RYR1: variants seen among roughly 807,000 people sequenced by gnomAD.
RYR1 encodes central core disease of muscle.
Under a neutral mutation model 583.5 loss-of-function variants are expected in RYR1, and 342 were observed. That is an observed-to-expected ratio of 0.59 (90% confidence interval 0.54 to 0.64). The LOEUF (loss-of-function observed/expected upper bound fraction) is 0.64. Ranked by LOEUF, RYR1 falls within the 30% of genes least tolerant of loss-of-function variation. The pLI is 0.00. For synonymous variants in RYR1, 2,791 were observed against 2,822.5 expected, an observed-to-expected ratio of 0.99 and a Z score of 0.35; for missense variants, 6,032 against 6,917.2, an observed-to-expected ratio of 0.87 and a Z score of 4.54.
At chr19:38,566,843 G>A (rs1238329175) in intron 91 of RYR1, 68 bp from the exon 92 acceptor site, 9 of 1,557,604 alleles carry the variant, frequency 5.8e-6, no homozygotes, top group Admixed American at 1.9e-5. Flanking sequence ...GGAGATGAGA[G>A]GAGCAGGCAG....
intron 28 of RYR1, among the ~76,000 whole-genome samples, chr19:38,474,555 G>A (rs1175311554): frequency 7.5e-6 from 1 of 133,458 alleles, no homozygotes; most frequent in African/African-American, 2.8e-5. Context: ...GAGCTACCAC[G>A]CCCGGCTCCT....
At chr19:38,438,313 A>G (rs528676614) in intron 1 of RYR1, among the ~76,000 whole-genome samples, 2 of 151,962 alleles carry the variant, frequency 1.3e-5, no homozygotes, top group African/African-American at 4.8e-5. Context: ...TATCACTGAC[A>G]TTAACATTAC....
chr19:38,586,988 G>A (rs1293627449), intron 105 of RYR1, among the ~76,000 whole-genome samples: 2 of 151,996 alleles, frequency 1.3e-5, no homozygotes, highest in Non-Finnish European at 2.9e-5. Context: ...ATGGGTTTGG[G>A]CTGGGCGTCC....
At chr19:38,462,106 C>A (rs150410459) in intron 20 of RYR1, among the ~76,000 whole-genome samples, 1 of 152,060 alleles carries the variant, frequency 6.6e-6, no homozygotes, top group Non-Finnish European at 1.5e-5. Flanking sequence ...AAGCATGTCC[C>A]TATAGGAGGG....
At chr19:38,516,722 T>A (rs1300385332) in intron 65 of RYR1, among the ~76,000 whole-genome samples, 1 of 152,160 alleles carries the variant, frequency 6.6e-6, no homozygotes, top group Admixed American at 6.5e-5. Context: ...GGTTCATTCA[T>A]TCATTCAGCA....
chr19:38,499,074 G>A lies in RYR1; in HGVS notation c.6892-34G>A, dbSNP rs1969976053. ...GAGCCCCAGGAGGAAGGTGGCATGGGTCTGGTCTCTGACTGAGCCCCTTCT... is the reference window on the plus strand; with the variant it reads ...GAGCCCCAGGAGGAAGGTGGCATGGATCTGGTCTCTGACTGAGCCCCTTCT... On this transcript the variant is annotated intron_variant, in intron 42 of 105. Coordinates refer to ENST00000359596, the MANE Select transcript of RYR1 (RefSeq NM_000540.3). The surrounding 1 kb of genome is among the most constrained non-coding windows in gnomAD (Gnocchi z 7.3). The A allele has an allele frequency of 6.2e-7, 1 of 1,612,436 alleles. No homozygotes were observed. The highest frequency in any genetic ancestry group is 1.3e-5 in the African/African-American group (1 of 75,034).
chr19:38,468,201 G>T (rs1186417800), intron 25 of RYR1, among the ~76,000 whole-genome samples: 2 of 143,030 alleles, frequency 1.4e-5, no homozygotes, highest in East Asian at 4.1e-4. Flanking sequence ...TGCACATATA[G>T]TCCCATCATC....
chr19:38,465,775 CAA>C (rs899973407), intron 23 of RYR1, among the ~76,000 whole-genome samples: 15 of 151,528 alleles, frequency 9.9e-5, no homozygotes, highest in African/African-American at 1.7e-4. Context: ...AAAAAAAAAA[CAA>C]AGAGAGAGAA....
intron 84 of RYR1, among the ~76,000 whole-genome samples, chr19:38,540,139 C>A: frequency 6.6e-6 from 1 of 152,026 alleles, no homozygotes; most frequent in East Asian, 1.9e-4. Flanking sequence ...CTTTCAGGGG[C>A]TGTTAAAACC....
At chr19:38,465,329 G>A (rs1458441271) in intron 23 of RYR1, among the ~76,000 whole-genome samples, 1 of 151,984 alleles carries the variant, frequency 6.6e-6, no homozygotes, top group Non-Finnish European at 1.5e-5. Context: ...GCAGGACATG[G>A]TGGTGGGACA....
In RYR1 at chr19:38,473,650, G is replaced by C. The variant is rs527732736; in HGVS notation, c.4039G>C (p.Gly1347Arg). 3 of 1,556,178 alleles carry C rather than the reference G, an allele frequency of 1.9e-6. No homozygotes were observed. The highest frequency in any genetic ancestry group is 2.4e-5 in the East Asian group (1 of 41,672). The change falls in exon 28 of 106, where the codon GGC (glycine) becomes CGC (arginine). Residue 1347 changes from glycine to arginine, a missense_variant. Physicochemically the swap from Gly to Arg is moderately radical, Grantham distance 125 (BLOSUM62 -2). Around this residue, in one of 11 missense-constraint regions of RYR1, gnomAD observed 2,627 missense variants for 2,961.3 expected, o/e 0.89. Transcript: ENST00000359596. Reference sequence around the variant, plus strand: ...TGGGGGCTGGAGCGAGGCAGAGAACGGCAAAGAAGGGACTGCGAAGGAGGG... The same window carrying C: ...TGGGGGCTGGAGCGAGGCAGAGAACCGCAAAGAAGGGACTGCGAAGGAGGG... Reference protein sequence around the residue: ...SAGGWSEAENGKEGTAKEGAP... With the variant: ...SAGGWSEAENRKEGTAKEGAP...
At chr19:38,449,294 T>C (rs1966955525) in intron 11 of RYR1, among the ~76,000 whole-genome samples, 1 of 151,760 alleles carries the variant, frequency 6.6e-6, no homozygotes, top group African/African-American at 2.4e-5. Flanking sequence ...ACCCTGTCTC[T>C]ACTAAAAATA....
intron 27 of RYR1, among the ~76,000 whole-genome samples, chr19:38,471,770 C>T (rs1395987689): frequency 2.0e-5 from 3 of 151,628 alleles, no homozygotes; most frequent in Admixed American, 6.6e-5. Context: ...GGCATGGTGC[C>T]GGGCGCCTGT....
At chr19:38,467,923 T>C (rs919070298) in intron 25 of RYR1, 111 bp downstream of exon 25, 2 of 932,908 alleles carry the variant, frequency 2.1e-6, no homozygotes, top group Non-Finnish European at 3.3e-6. Context: ...TTCATGCATC[T>C]ACTGTACCAC....
At position 38,528,299 on chromosome 19, in the gene RYR1, T is replaced by C; in HGVS notation, c.10825-7T>C. On this transcript the variant is annotated splice_region_variant and splice_polypyrimidine_tract_variant and intron_variant, in intron 73 of 105. Coordinates refer to ENST00000359596, the MANE Select transcript of RYR1 (RefSeq NM_000540.3). ...GGGATGTGACTGTCCTGCTATCCCC[T>C]CCCCAGACCGAGCACCCTTACAAGT... The C allele has an allele frequency of 6.2e-7, 1 of 1,613,276 alleles. No homozygotes were observed. Among genetic ancestry groups the C allele is most frequent in the Admixed American group, 1.7e-5 (1 of 60,000 alleles).
At position 38,516,080 on chromosome 19, in the gene RYR1, C is replaced by G. The variant is rs376790946; in HGVS notation, c.9555-7C>G. The G allele has an allele frequency of 2.5e-4, 390 of 1,547,552 alleles. 2 individuals are homozygous for G. Among genetic ancestry groups the G allele is most frequent in the Admixed American group, 2.4e-3 (120 of 50,976 alleles). On this transcript the variant is annotated splice_region_variant and splice_polypyrimidine_tract_variant and intron_variant, in intron 64 of 105. Coordinates refer to ENST00000359596, the MANE Select transcript of RYR1 (RefSeq NM_000540.3). ...ACGTGGCAGCTAAACACAGCCCCGT[C>G]TTCCAGGCTTCGGCCAGCCCTCGGG... is the stretch of plus-strand genomic sequence containing the variant.
Position 38,565,378 on chromosome 19 carries a change from G to A in RYR1, c.13044G>A (p.Ala4348=), listed in dbSNP as rs794727985. The A allele has an allele frequency of 8.9e-6, 12 of 1,341,766 alleles. No homozygotes were observed. In the Admixed American group the frequency reaches 1.2e-4, roughly 13 times the overall value. 83.1% of individuals were successfully genotyped at this position (1,341,766 alleles called of 1,614,324 possible). The change falls in exon 91 of 106, where the codon GCG becomes GCA. Residue 4348 remains alanine, a synonymous_variant. Coordinates refer to ENST00000359596, the MANE Select transcript of RYR1 (RefSeq NM_000540.3). This position sits in a 1 kb window ranked among gnomAD's most constrained non-coding sequence, Gnocchi z 4.7. ...AAVTRAGAAG[A]GAAAGALGLL... is the part of the protein sequence containing the mutation. ...TGACGCGCGCTGGGGCCGCTGGCGCGGGGGCGGCGGCGGGCGCGCTGGGCC... is the reference window on the plus strand; with the variant it reads ...TGACGCGCGCTGGGGCCGCTGGCGCAGGGGCGGCGGCGGGCGCGCTGGGCC...
chr19:38,492,849 A>G (rs1323070244), intron 38 of RYR1, among the ~76,000 whole-genome samples: 2 of 152,036 alleles, frequency 1.3e-5, no homozygotes, highest in Non-Finnish European at 2.9e-5. Context: ...CGGGTGGATC[A>G]CTTGAGGTCA....
chr19:38,505,041 A>C lies in RYR1; in HGVS notation c.8270A>C (p.Lys2757Thr), dbSNP rs747743096. 1 of 1,614,092 alleles carries C rather than the reference A, an allele frequency of 6.2e-7. No homozygotes were observed. Among genetic ancestry groups the C allele is most frequent in the East Asian group, 2.2e-5 (1 of 44,878 alleles). ...IPEKLDSFIN[K>T]FAEYTHEKWA... Reference sequence around the variant, plus strand: ...GAGAAGCTGGACTCCTTCATTAACAAGTTTGCGGAGTACACACACGAGAAG... The same window carrying C: ...GAGAAGCTGGACTCCTTCATTAACACGTTTGCGGAGTACACACACGAGAAG... The change falls in exon 52 of 106, where the codon AAG becomes ACG. Residue 2757 changes from lysine (K) to threonine (T), a missense_variant. By Grantham distance (78) the Lys-to-Thr change is moderately conservative. Transcript: ENST00000359596.
Sources: gnomAD v4.1 joint callset for allele counts (sites outside exome capture counted in the v4.1 genomes callset) on GRCh38, gnomAD v4.1.1 for gene constraint, gnomAD v4.1.1 regional missense constraint, Gnocchi (gnomAD v3.1) non-coding constraint, MANE v1.5 for transcripts, NCBI Gene and HGNC (gene_info 2026-07-23, HGNC 2026-07-21) for gene names.